The following PRXL2A variants were observed in gnomAD, a reference collection of about 807,000 sequenced individuals.
The protein encoded by PRXL2A is peroxiredoxin like 2A, also known as peroxiredoxin-like 2A.
A neutral mutation model predicts 25.6 loss-of-function variants in PRXL2A; 26 were observed. That is an observed-to-expected ratio of 1.02 (90% CI 0.74 to 1.41). The LOEUF (loss-of-function observed/expected upper bound fraction) is 1.41, where lower values mean the gene tolerates loss of function less well. Ranked by LOEUF, PRXL2A falls within the 40% of genes most tolerant of loss-of-function variation. PRXL2A has a pLI of 0.00. For missense variants in PRXL2A, 246 were observed against 273.9 expected (o/e 0.90, Z 0.72); for synonymous variants, 98 against 102.9 (o/e 0.95, Z 0.29).
chr10:80,413,908 T>A, intron 1 of PRXL2A: 1 of 1,217,772 alleles, frequency 8.2e-7, no homozygotes, highest in Non-Finnish European at 1.1e-6. Flanking sequence ...TTGAAGCGTC[T>A]GAGGTTGGGG....
intron 1 of PRXL2A, among the ~76,000 whole-genome samples, chr10:80,414,320 G>C (rs1035267873): frequency 5.3e-5 from 8 of 152,112 alleles, no homozygotes; most frequent in Non-Finnish European, 1.2e-4. Flanking sequence ...TGTGTCAGGT[G>C]GGGGCTGGCT....
At chr10:80,413,947 C>T in intron 1 of PRXL2A, 2 of 991,570 alleles carry the variant, frequency 2.0e-6, no homozygotes, top group Non-Finnish European at 2.6e-6. Context: ...AAGGGAGTTG[C>T]CTTGTATAGG....
chr10:80,415,055 G>T (rs563811871), intron 1 of PRXL2A, among the ~76,000 whole-genome samples: 24 of 152,302 alleles, frequency 1.6e-4, no homozygotes, highest in Admixed American at 1.5e-3. Flanking sequence ...CAGGGGACTT[G>T]GATAAGAGGC....
intron 1 of PRXL2A, among the ~76,000 whole-genome samples, chr10:80,410,874 C>A (rs947773458): frequency 2.1e-4 from 32 of 152,310 alleles, no homozygotes; most frequent in African/African-American, 7.7e-4. Context: ...GGGGGCCCTA[C>A]AGCTTGAGGA....
intron 2 of PRXL2A, among the ~76,000 whole-genome samples, chr10:80,420,859 G>A (rs79154216): frequency 0.022 from 3,397 of 152,176 alleles, 50 homozygotes; most frequent in Middle Eastern, 0.034. Flanking sequence ...TACATATTAC[G>A]TAGTTGTGCT....
At chr10:80,411,031 A>T (rs1209996484) in intron 1 of PRXL2A, among the ~76,000 whole-genome samples, 2 of 152,224 alleles carry the variant, frequency 1.3e-5, no homozygotes, top group Non-Finnish European at 2.9e-5. Context: ...AGGCAGATAC[A>T]CACCCCAAGG....
chr10:80,429,997 AAGGTTAACTGGCT>A (rs1418527412), intron 5 of PRXL2A, among the ~76,000 whole-genome samples: 1 of 151,654 alleles, frequency 6.6e-6, no homozygotes, highest in Admixed American at 6.6e-5. Context: ...TCCTAGGCGG[AAGGTTAACTGGCT>A]AGCTGAACTT....
At chr10:80,420,984 C>T (rs925885050) in intron 2 of PRXL2A, among the ~76,000 whole-genome samples, 6 of 152,140 alleles carry the variant, frequency 3.9e-5, no homozygotes, top group Non-Finnish European at 8.8e-5. Flanking sequence ...GTAATAATTA[C>T]AATCTTTTAC....
At chr10:80,428,499 A>C (rs952961924) in intron 5 of PRXL2A, among the ~76,000 whole-genome samples, 1 of 152,222 alleles carries the variant, frequency 6.6e-6, no homozygotes, top group Non-Finnish European at 1.5e-5. Flanking sequence ...TCCCATCTCT[A>C]CTAAAGAAAA....
chr10:80,434,213 C>G lies in PRXL2A; in HGVS notation c.*2114C>G, dbSNP rs1845342431. Reference sequence around the variant, plus strand: ...TGTTTGGTTTTTTGTGAGCTCTCACCAACTTTTTTCCCCTGGGTCCTCACG... The same window carrying G: ...TGTTTGGTTTTTTGTGAGCTCTCACGAACTTTTTTCCCCTGGGTCCTCACG... On this transcript the variant is annotated 3_prime_UTR_variant, in exon 6 of 6. Transcript: ENST00000606162. 1.3e-5 allele frequency: 2 copies of G among 151,996 alleles called. No individual in the cohort carries two copies. 9.4% of individuals were successfully genotyped at this position (151,996 alleles called of 1,614,324 possible). A position where few individuals can be genotyped will look rare whatever the true frequency, so the allele number is the denominator to read the frequency against.
chr10:80,411,367 C>T lies in PRXL2A; in HGVS notation c.-3+2724C>T, dbSNP rs201874418. The stretch of plus-strand genomic sequence containing the variant: ...CAGCAGATTTCCCAGGCCCTGTTTA[C>T]GGGCAGTCTTGCTCTTAGCTTGCCT... On this transcript the variant is annotated intron_variant, in intron 1 of 5. Transcript: ENST00000606162. Among the ~76,000 whole-genome samples, 13 of 152,368 alleles carry T rather than the reference C, an allele frequency of 8.5e-5. No individual in the cohort carries two copies. The East Asian group carries it at 2.5e-3, about 29-fold the overall frequency.
At position 80,432,132 on chromosome 10, in the gene PRXL2A, G is replaced by A; in HGVS notation, c.*33G>A. 2 of 1,331,074 alleles carry A rather than the reference G, an allele frequency of 1.5e-6. No homozygotes were observed. The highest frequency in any genetic ancestry group is 4.6e-5 in the East Asian group (2 of 43,486). The allele number at this position is 1,331,074 out of a possible 1,614,324, so 82.5% of individuals were successfully genotyped here. A position where few individuals can be genotyped will look rare whatever the true frequency, so the allele number is the denominator to read the frequency against. ...AAACTGCCCAGCTCAGGGATAACCA[G>A]GGACATTCACCTGTGTTCATGGGAT... is the stretch of plus-strand genomic sequence containing the variant. On this transcript the variant is annotated 3_prime_UTR_variant, in exon 6 of 6. Coordinates refer to ENST00000606162, the MANE Select transcript of PRXL2A (RefSeq NM_032333.5).
intron 1 of PRXL2A, among the ~76,000 whole-genome samples, chr10:80,412,543 A>G (rs1470245555): frequency 6.6e-6 from 1 of 152,244 alleles, no homozygotes; most frequent in East Asian, 1.9e-4. Flanking sequence ...GGAGACAGAC[A>G]TGTAAATAAC....
At chr10:80,429,322 G>A (rs1213371880) in intron 5 of PRXL2A, among the ~76,000 whole-genome samples, 1 of 152,194 alleles carries the variant, frequency 6.6e-6, no homozygotes, top group African/African-American at 2.4e-5. Flanking sequence ...TCCAATGAGT[G>A]CCTGTCTTGT....
intron 1 of PRXL2A, among the ~76,000 whole-genome samples, chr10:80,413,608 A>C (rs1445587163): frequency 6.6e-6 from 1 of 152,250 alleles, no homozygotes. Context: ...TATAATCTGC[A>C]TGACTGCAAA....
intron 1 of PRXL2A, among the ~76,000 whole-genome samples, chr10:80,412,825 G>T (rs1031580422): frequency 6.6e-6 from 1 of 152,160 alleles, no homozygotes; most frequent in African/African-American, 2.4e-5. Flanking sequence ...GGCTTGCTGA[G>T]GAGTTTATTG....
intron 5 of PRXL2A, among the ~76,000 whole-genome samples, chr10:80,430,293 G>A (rs1845206843): frequency 6.6e-6 from 1 of 151,862 alleles, no homozygotes; most frequent in Non-Finnish European, 1.5e-5. Context: ...GTAGAGGCAG[G>A]GTGTCACCAT....
At chr10:80,431,957 G>A (rs770551033) in intron 5 of PRXL2A, 29 bp from the exon 6 acceptor site, 11 of 1,505,732 alleles carry the variant, frequency 7.3e-6, no homozygotes, top group Non-Finnish European at 1.0e-5. Flanking sequence ...TTAGGATGAG[G>A]ACTGACATTA....
At chr10:80,429,412 A>G (rs1047125158) in intron 5 of PRXL2A, among the ~76,000 whole-genome samples, 2 of 152,150 alleles carry the variant, frequency 1.3e-5, no homozygotes, top group Non-Finnish European at 2.9e-5. Flanking sequence ...CCATCCACAT[A>G]TACAGCAGTT....
Sources: allele counts gnomAD v4.1 joint callset (sites outside exome capture counted in the v4.1 genomes callset), GRCh38; gene constraint gnomAD v4.1.1; transcripts MANE v1.5; gene names NCBI Gene and HGNC (gene_info 2026-07-23, HGNC 2026-07-21).